Variants in ANO4 observed in about 807,000 individuals in gnomAD.
ANO4 encodes anoctamin-4.
In ANO4, 69 loss-of-function variants were observed where a neutral mutation model predicts 141.9. The ratio of observed to expected loss-of-function variants is 0.49; its 90% confidence interval spans 0.40 to 0.59. The LOEUF (loss-of-function observed/expected upper bound fraction) is 0.59, where lower values mean the gene tolerates loss of function less well. Among genes scored for constraint, ANO4 ranks in the 20% least tolerant of loss-of-function variants. The pLI is 0.00. For missense variants in ANO4, 894 were observed against 1,162.2 expected (o/e 0.77, Z 3.36); for synonymous variants, 350 against 394.3 (o/e 0.89, Z 1.33).
chr12:101,113,221 C>T (rs1452809500), intron 24 of ANO4, among the ~76,000 whole-genome samples: 1 of 152,120 alleles, frequency 6.6e-6, no homozygotes, highest in Non-Finnish European at 1.5e-5. Context: ...ACAGTAAACC[C>T]CCTGGATTTT....
intron 5 of ANO4, among the ~76,000 whole-genome samples, chr12:100,953,641 A>T (rs1363993800): frequency 1.3e-5 from 2 of 152,246 alleles, no homozygotes; most frequent in Non-Finnish European, 2.9e-5. Context: ...CAGATGTAAT[A>T]GGTATTGTGG....
In ANO4 at chr12:101,101,875, G is replaced by A. The variant is rs568420091; in HGVS notation, c.2149+2155G>A. 1.2e-4 allele frequency among the ~76,000 whole-genome samples: 18 copies of A among 152,206 alleles called. No homozygotes were observed. In the East Asian group the frequency reaches 1.9e-3, roughly 16 times the overall value. On this transcript the variant is annotated intron_variant, in intron 22 of 27. Transcript: ENST00000392977. ...AGGCAGGTGGATCACCTGAGGTCAC[G>A]AGTTCAAGACCAGCCTGGCCAATGT... is the stretch of plus-strand genomic sequence containing the variant.
At chr12:100,722,712 A>G (rs2030924133) in intron 1 of ANO4, among the ~76,000 whole-genome samples, 1 of 152,216 alleles carries the variant, frequency 6.6e-6, no homozygotes, top group African/African-American at 2.4e-5. Context: ...TGTGCCTCGC[A>G]CAGTGCCTGG....
intron 2 of ANO4, among the ~76,000 whole-genome samples, chr12:100,918,741 T>G (rs2041467054): frequency 6.6e-6 from 1 of 152,216 alleles, no homozygotes; most frequent in Non-Finnish European, 1.5e-5. Context: ...ACAATTAAAC[T>G]ACTATGTTAC....
At chr12:100,966,034 G>A (rs1366781484) in intron 5 of ANO4, among the ~76,000 whole-genome samples, 2 of 152,068 alleles carry the variant, frequency 1.3e-5, no homozygotes, top group Admixed American at 6.6e-5. Flanking sequence ...AGGAAACCCT[G>A]AAGATACTGA....
At chr12:100,891,037 A>G (rs938707192) in intron 1 of ANO4, among the ~76,000 whole-genome samples, 3 of 152,144 alleles carry the variant, frequency 2.0e-5, no homozygotes, top group Non-Finnish European at 4.4e-5. Context: ...AGTTGGAACT[A>G]TGTAATATGT....
intron 1 of ANO4, 110 bp from the exon 2 acceptor site, chr12:100,901,536 A>G: frequency 1.1e-5 from 6 of 538,382 alleles, no homozygotes; most frequent in Non-Finnish European, 2.0e-5. Context: ...ATACCTTAAG[A>G]ATTTGAAACA....
At chr12:100,732,085 C>A (rs2136808964) in intron 1 of ANO4, among the ~76,000 whole-genome samples, 1 of 152,334 alleles carries the variant, frequency 6.6e-6, no homozygotes, top group South Asian at 2.1e-4. Context: ...TTTTCAGCTT[C>A]TTTCAGTAAA....
intron 16 of ANO4, among the ~76,000 whole-genome samples, chr12:101,084,920 T>G (rs745330892): frequency 1.3e-5 from 2 of 152,186 alleles, no homozygotes; most frequent in African/African-American, 2.4e-5. Flanking sequence ...TCTTCTGACT[T>G]TGAATCCAGC....
chr12:100,988,774 G>A (rs1184675936), intron 8 of ANO4, among the ~76,000 whole-genome samples: 1 of 149,014 alleles, frequency 6.7e-6, no homozygotes, highest in Non-Finnish European at 1.5e-5. Flanking sequence ...AGGAGGCTGA[G>A]GCAGGAGAAT....
At chr12:100,964,601 T>G (rs1287171222) in intron 5 of ANO4, among the ~76,000 whole-genome samples, 2 of 152,170 alleles carry the variant, frequency 1.3e-5, no homozygotes, top group Non-Finnish European at 1.5e-5. Context: ...GATAGTTACC[T>G]AAGGGGATAC....
Position 100,961,573 on chromosome 12 carries a change from A to G in ANO4, c.457-9733A>G, listed in dbSNP as rs186204981. On this transcript the variant is annotated intron_variant, in intron 5 of 27. Coordinates refer to ENST00000392977, the MANE Select transcript of ANO4 (RefSeq NM_001286615.2). ...CTAGCCGATAGAAATAATGTAATTT[A>G]AAATATTCGGGAGCTACATATAAAA... Among the ~76,000 whole-genome samples, 3 of 152,390 alleles carry G rather than the reference A, an allele frequency of 2.0e-5. No homozygotes were observed. The East Asian group carries it at 5.8e-4, about 29-fold the overall frequency.
At chr12:100,824,437 CA>C (rs949749063) in intron 1 of ANO4, among the ~76,000 whole-genome samples, 10 of 150,858 alleles carry the variant, frequency 6.6e-5, no homozygotes, top group East Asian at 1.9e-4. Flanking sequence ...AACAAACAAA[CA>C]AAAAAAAACT....
At chr12:100,830,698 A>G (rs78907765) in intron 1 of ANO4, among the ~76,000 whole-genome samples, 1,824 of 152,136 alleles carry the variant, frequency 0.012, 27 homozygotes, top group African/African-American at 0.04. Context: ...CAGGGATTTC[A>G]TACCAGATAC....
At chr12:100,982,801 C>G (rs550331417) in intron 7 of ANO4, among the ~76,000 whole-genome samples, 4 of 152,288 alleles carry the variant, frequency 2.6e-5, no homozygotes, top group Admixed American at 6.5e-5. Flanking sequence ...ACATTGTATA[C>G]TAAAGGTTAT....
chr12:100,896,477 G>A (rs1446953825), intron 1 of ANO4, among the ~76,000 whole-genome samples: 1 of 152,156 alleles, frequency 6.6e-6, no homozygotes, highest in African/African-American at 2.4e-5. Context: ...GTCTTGATTG[G>A]CCTACAGGTG....
intron 8 of ANO4, among the ~76,000 whole-genome samples, chr12:101,008,897 A>T (rs916855389): frequency 1.1e-4 from 16 of 152,102 alleles, no homozygotes; most frequent in African/African-American, 3.6e-4. Context: ...TTTACCAAGG[A>T]TATCCTAGGA....
chr12:100,979,734 AT>A (rs970167518), intron 7 of ANO4, among the ~76,000 whole-genome samples: 99 of 147,740 alleles, frequency 6.7e-4, no homozygotes, highest in African/African-American at 8.9e-4. Context: ...TCTTTTATTT[AT>A]TTTTTTTTTT....
At chr12:100,914,751 CTT>C (rs757858542) in intron 2 of ANO4, among the ~76,000 whole-genome samples, 15 of 152,128 alleles carry the variant, frequency 9.9e-5, no homozygotes, top group Admixed American at 9.8e-4. Context: ...TCTTCAGAGA[CTT>C]TTCTTGAACA....
Sources: gnomAD v4.1 joint callset for allele counts (sites outside exome capture counted in the v4.1 genomes callset) on GRCh38, gnomAD v4.1.1 for gene constraint, MANE v1.5 for transcripts, NCBI Gene and HGNC (gene_info 2026-07-23, HGNC 2026-07-21) for gene names.